PHF11: variants seen among roughly 807,000 people sequenced by gnomAD.
PHF11 encodes the protein PHD finger protein 11, also known as BRCA1 C-terminus-associated protein.
Under a neutral mutation model 40.5 loss-of-function variants are expected in PHF11, and 38 were observed. That is an observed-to-expected ratio of 0.94 (90% confidence interval 0.72 to 1.23). PHF11 has a LOEUF of 1.23. Ranked by LOEUF, PHF11 falls within the 50% of genes most tolerant of loss-of-function variation. The pLI is 0.00. For synonymous variants in PHF11, 127 were observed against 138.2 expected (o/e 0.92, Z 0.57); for missense variants, 369 against 392.4 (o/e 0.94, Z 0.50).
At position 49,522,758 on chromosome 13, in the gene PHF11, G is replaced by GTTTTT. The variant is rs1200697917; in HGVS notation, c.571-417_571-416insTTTTT. The stretch of plus-strand genomic sequence containing the variant: ...TGTTTACATCTAAATATGAATATGG[G>GTTTTT]GTTTTTTTGTTTTTTTTTTTTTTTG... On this transcript the variant is annotated intron_variant, in intron 6 of 9. Coordinates refer to ENST00000378319, the MANE Select transcript of PHF11 (RefSeq NM_001040443.3). 1.1e-4 allele frequency among the ~76,000 whole-genome samples: 4 copies of GTTTTT among 35,818 alleles called. 2 individuals are homozygous for GTTTTT. Among genetic ancestry groups the GTTTTT allele is most frequent in the Non-Finnish European group, 1.5e-4 (2 of 13,206 alleles). The allele number at this position is 35,818 out of a possible 152,430, so 23.5% of individuals were successfully genotyped here.
chr13:49,527,794 T>C (rs928112788), intron 9 of PHF11, among the ~76,000 whole-genome samples: 11 of 152,080 alleles, frequency 7.2e-5, no homozygotes, highest in Non-Finnish European at 1.2e-4. Flanking sequence ...GGGGTGCCAC[T>C]ACTTAGAACT....
At chr13:49,524,519 G>A (rs1219338641) in intron 8 of PHF11, among the ~76,000 whole-genome samples, 25 of 150,268 alleles carry the variant, frequency 1.7e-4, no homozygotes, top group Non-Finnish European at 3.4e-4. Context: ...TTGTTGCCCA[G>A]GCTAGAGTGC....
At chr13:49,508,821 A>T (rs530244929) in intron 2 of PHF11, among the ~76,000 whole-genome samples, 1 of 152,304 alleles carries the variant, frequency 6.6e-6, no homozygotes, top group Admixed American at 6.5e-5. Context: ...GATTACAAGC[A>T]ATTAAATTTG....
rs1959209574 is a variant in PHF11 at position 49,524,177 on chromosome 13, A to G, written c.730A>G (p.Ile244Val). The G allele has an allele frequency of 6.2e-7, 1 of 1,610,458 alleles. No individual in the cohort carries two copies. The highest frequency in any genetic ancestry group is 1.1e-5 in the South Asian group (1 of 90,872). ...LEEILDKVHSIPEKLMDETTS... is the reference protein window; with the variant it reads ...LEEILDKVHSVPEKLMDETTS... ...AGAAATATTAGACAAAGTTCATTCA[A>G]TTCCAGAAAAACTCATGGATGAGAC... Residue 244 changes from isoleucine to valine, a missense_variant, in exon 8 of 10, where the codon ATT becomes GTT. Ile to Val is a conservative substitution (Grantham distance 29, BLOSUM62 3). Coordinates refer to ENST00000378319, the MANE Select transcript of PHF11 (RefSeq NM_001040443.3).
In PHF11 at chr13:49,504,601, G is replaced by GC. The variant is rs1257824363; in HGVS notation, c.95-2028dup. Among the ~76,000 whole-genome samples the GC allele has an allele frequency of 1.0e-4, 15 of 144,008 alleles. No individual in the cohort carries two copies. In the South Asian group the frequency reaches 2.4e-3, roughly 23 times the overall value. The allele number at this position is 144,008 out of a possible 152,430, so 94.5% of individuals were successfully genotyped here. The stretch of plus-strand genomic sequence containing the variant: ...CGTCCGGGAGGGAGGTGGGGGGTCA[G>GC]CCCCCCGCCCGGCCAGCCGCCCCGT... On this transcript the variant is annotated intron_variant, in intron 1 of 9. Coordinates refer to ENST00000378319, the MANE Select transcript of PHF11 (RefSeq NM_001040443.3).
chr13:49,514,762 T>TA (rs10715395), intron 3 of PHF11, among the ~76,000 whole-genome samples: 284 of 143,816 alleles, frequency 2.0e-3, no homozygotes, highest in Non-Finnish European at 3.0e-3. Context: ...TGTCTCAAAT[T>TA]AAAAAAAAAA....
chr13:49,503,497 AC>A (rs1475838681), intron 1 of PHF11, among the ~76,000 whole-genome samples: 13 of 152,166 alleles, frequency 8.5e-5, no homozygotes, highest in Non-Finnish European at 1.9e-4. Context: ...CCTCTGCTCT[AC>A]TATTCACTAG....
At chr13:49,499,111 G>A (rs1370112619) in intron 1 of PHF11, among the ~76,000 whole-genome samples, 2 of 152,238 alleles carry the variant, frequency 1.3e-5, no homozygotes, top group Non-Finnish European at 2.9e-5. Context: ...ATCTCTCAGT[G>A]TATCTGCTTT....
At position 49,522,084 on chromosome 13, in the gene PHF11, C is replaced by T. The variant is rs145656056; in HGVS notation, c.547C>T (p.Pro183Ser). The T allele has an allele frequency of 1.9e-5, 30 of 1,559,918 alleles. No homozygotes were observed. The African/African-American group carries it at 2.7e-4, about 14-fold the overall frequency. ...GVKRKRGRKK[P>S]LSGNHVQPPE... ...GAAAAGAAAAAGAGGAAGGAAGAAA[C>T]CCCTCTCAGGCAATCATGTACAGGT... Residue 183 changes from proline (P) to serine (S), a missense_variant, in exon 6 of 10, where the codon CCC (proline) becomes TCC (serine). Coordinates refer to ENST00000378319, the MANE Select transcript of PHF11 (RefSeq NM_001040443.3).
rs1959172441 is a variant in PHF11, at chr13:49,518,596, T to C, written c.458+445T>C. ...TAAGTGCTTTACAAATGTTAACTCA[T>C]TTAATCCTCATAATAGTCAACTGAG... On this transcript the variant is annotated intron_variant, in intron 4 of 9. Coordinates refer to ENST00000378319, the MANE Select transcript of PHF11 (RefSeq NM_001040443.3). 2.6e-5 allele frequency: 4 copies of C among 152,306 alleles called. No homozygotes were observed. The South Asian group carries it at 8.3e-4, about 31-fold the overall frequency. The allele number at this position is 152,306 out of a possible 1,614,324, so 9.4% of individuals were successfully genotyped here.
chr13:49,504,120 C>T (rs148258969), intron 1 of PHF11, among the ~76,000 whole-genome samples: 3 of 152,058 alleles, frequency 2.0e-5, no homozygotes, highest in Non-Finnish European at 4.4e-5. Context: ...TGGACAGCAT[C>T]GGTCTAGAGT....
chr13:49,513,054 T>G lies in PHF11; in HGVS notation c.217-5T>G. On this transcript the variant is annotated splice_polypyrimidine_tract_variant and splice_region_variant and intron_variant, in intron 2 of 9. Coordinates refer to ENST00000378319, the MANE Select transcript of PHF11 (RefSeq NM_001040443.3). ...ATACTCTGGATTTTTTTTTCCAATC[T>G]GCAGCTGTATTCTTCAGGACTTGTG... 6.9e-7 allele frequency: 1 copy of G among 1,442,144 alleles called. No individual in the cohort carries two copies. Among genetic ancestry groups the G allele is most frequent in the East Asian group, 2.3e-5 (1 of 43,824 alleles). The allele number at this position is 1,442,144 out of a possible 1,614,324, so 89.3% of individuals were successfully genotyped here. A position where few individuals can be genotyped will look rare whatever the true frequency, so the allele number is the denominator to read the frequency against.
At chr13:49,496,959 G>C (rs1205139951) in intron 1 of PHF11, 2 of 732,378 alleles carry the variant, frequency 2.7e-6, no homozygotes, top group Non-Finnish European at 3.7e-6. Context: ...TCAGCCTCCC[G>C]AGTGGATGGG....
At chr13:49,513,235 C>A in intron 3 of PHF11, 69 bp downstream of exon 3, 2 of 720,382 alleles carry the variant, frequency 2.8e-6, no homozygotes, top group East Asian at 2.8e-5. Flanking sequence ...CCAAAGGAGT[C>A]TATTTGACTG....
intron 1 of PHF11, 31 bp downstream of exon 1, chr13:49,496,126 G>T: frequency 1.8e-6 from 2 of 1,126,190 alleles, no homozygotes; most frequent in Non-Finnish European, 2.3e-6. Context: ...CGGGCGGGCG[G>T]GCGGGGCTGG....
At chr13:49,501,003 T>TTTG (rs1566185269) in intron 1 of PHF11, among the ~76,000 whole-genome samples, 1 of 120,870 alleles carries the variant, frequency 8.3e-6, no homozygotes, top group African/African-American at 4.0e-5. Flanking sequence ...AACTTTTGTT[T>TTTG]TTTTTTTTTT....
chr13:49,525,533 T>A (rs1959236800), intron 8 of PHF11, among the ~76,000 whole-genome samples: 1 of 152,096 alleles, frequency 6.6e-6, no homozygotes, highest in African/African-American at 2.4e-5. Context: ...CAGGTGTGAG[T>A]CACTGTGCCC....
chr13:49,520,969 T>C (rs761615658), intron 5 of PHF11, 29 bp downstream of exon 5: 1 of 1,545,206 alleles, frequency 6.5e-7, no homozygotes, highest in East Asian at 2.3e-5. Context: ...GCACTGTGGG[T>C]TTTAAAGAAA....
At chr13:49,526,015 A>G (rs569367533) in intron 8 of PHF11, 5 of 324,512 alleles carry the variant, frequency 1.5e-5, no homozygotes, top group South Asian at 1.2e-4. Context: ...CTAAAAATAC[A>G]AAAATTAGCC....
Sources: allele counts gnomAD v4.1 joint callset (sites outside exome capture counted in the v4.1 genomes callset), GRCh38; gene constraint gnomAD v4.1.1; transcripts MANE v1.5; gene names NCBI Gene and HGNC (gene_info 2026-07-23, HGNC 2026-07-21).